DOCK1: variants seen among roughly 807,000 people sequenced by gnomAD.
The protein encoded by DOCK1 is dedicator of cytokinesis protein 1.
In DOCK1, 138 loss-of-function variants were observed where a neutral mutation model predicts 262.7. The ratio of observed to expected loss-of-function variants is 0.53; its 90% CI spans 0.46 to 0.61. The LOEUF (loss-of-function observed/expected upper bound fraction) is 0.61. DOCK1 is among the 20% of genes least tolerant of loss of function. The pLI, the probability that DOCK1 is intolerant of heterozygous loss-of-function variation, is 0.00. For synonymous variants in DOCK1, 866 were observed against 867.4 expected (o/e 1.00, Z 0.03); for missense variants, 1,908 against 2,370.7 (o/e 0.80, Z 4.05).
chr10:127,175,833 A>C lies in DOCK1; in HGVS notation c.2847+48069A>C, dbSNP rs1246539932. 1 of 1,614,054 alleles carries C rather than the reference A, an allele frequency of 6.2e-7. No individual in the cohort carries two copies. Among genetic ancestry groups the C allele is most frequent in the South Asian group, 1.1e-5 (1 of 91,076 alleles). Reference sequence around the variant, plus strand: ...ACAGGGCTCTGTGCAGTTGACCCCCAAAGGCTGGTCCACTGTGTTCATGTG... The same window carrying C: ...ACAGGGCTCTGTGCAGTTGACCCCCCAAGGCTGGTCCACTGTGTTCATGTG... On this transcript the variant is annotated intron_variant, in intron 27 of 51. Transcript: ENST00000623213. The surrounding 1 kb of genome is among the most constrained non-coding windows in gnomAD (Gnocchi z 6.3).
chr10:127,165,600 C>G (rs1256540606), intron 27 of DOCK1, among the ~76,000 whole-genome samples: 2 of 152,032 alleles, frequency 1.3e-5, no homozygotes, highest in Non-Finnish European at 2.9e-5. Context: ...GCATTGCAAA[C>G]AATGCAGTAT....
intron 27 of DOCK1, among the ~76,000 whole-genome samples, chr10:127,200,561 G>C (rs555543552): frequency 5.3e-5 from 8 of 151,890 alleles, no homozygotes; most frequent in Non-Finnish European, 1.0e-4. Context: ...CTGTAACCAC[G>C]CCTGGCTGAT....
intron 29 of DOCK1, among the ~76,000 whole-genome samples, chr10:127,278,344 C>T (rs1219589468): frequency 1.3e-5 from 2 of 151,698 alleles, no homozygotes; most frequent in African/African-American, 4.8e-5. Context: ...GTTTGTTTAC[C>T]TGGCAAAGAG....
chr10:127,010,426 C>T (rs1220182308), intron 11 of DOCK1, among the ~76,000 whole-genome samples: 1 of 152,212 alleles, frequency 6.6e-6, no homozygotes, highest in African/African-American at 2.4e-5. Flanking sequence ...AAGATCACGC[C>T]ACTGCACTCC....
At chr10:126,951,524 GTAT>G (rs1483369974) in intron 1 of DOCK1, among the ~76,000 whole-genome samples, 14 of 150,714 alleles carry the variant, frequency 9.3e-5, no homozygotes, top group Non-Finnish European at 1.5e-4. Flanking sequence ...GTTTTTGTTG[GTAT>G]TATTGCTGTT....
intron 37 of DOCK1, among the ~76,000 whole-genome samples, chr10:127,384,387 G>T (rs1370659471): frequency 1.3e-5 from 2 of 152,188 alleles, no homozygotes; most frequent in African/African-American, 4.8e-5. Context: ...TGACTTGTGT[G>T]TTCCATGTAC....
At chr10:127,374,957 G>A (rs897114073) in intron 35 of DOCK1, among the ~76,000 whole-genome samples, 3 of 152,240 alleles carry the variant, frequency 2.0e-5, no homozygotes, top group Non-Finnish European at 4.4e-5. Context: ...TGTTGTTTTA[G>A]GTTTATGGTA....
At chr10:127,191,643 G>C (rs2056763887) in intron 27 of DOCK1, among the ~76,000 whole-genome samples, 3 of 152,148 alleles carry the variant, frequency 2.0e-5, no homozygotes, top group African/African-American at 7.2e-5. Flanking sequence ...AAGAACAAGG[G>C]TGGGGGATCT....
At chr10:126,965,434 C>CTTTGG (rs1450360519) in intron 1 of DOCK1, among the ~76,000 whole-genome samples, 1 of 152,054 alleles carries the variant, frequency 6.6e-6, no homozygotes, top group Non-Finnish European at 1.5e-5. Flanking sequence ...TGGTCCCAGA[C>CTTTGG]TTTGGAGTGA....
intron 1 of DOCK1, among the ~76,000 whole-genome samples, chr10:126,941,602 A>G (rs1032648772): frequency 6.6e-6 from 1 of 152,086 alleles, no homozygotes; most frequent in Non-Finnish European, 1.5e-5. Flanking sequence ...TAAAAGTACA[A>G]AAAATTAGCC....
At chr10:127,339,684 C>A (rs1328426582) in intron 30 of DOCK1, among the ~76,000 whole-genome samples, 1 of 92,560 alleles carries the variant, frequency 1.1e-5, no homozygotes, top group Non-Finnish European at 2.2e-5. Flanking sequence ...ATTGATTTTG[C>A]CTGGCCTGAT....
intron 29 of DOCK1, among the ~76,000 whole-genome samples, chr10:127,323,592 G>T (rs946831134): frequency 6.6e-6 from 1 of 152,184 alleles, no homozygotes; most frequent in African/African-American, 2.4e-5. Flanking sequence ...TCAGCATCCC[G>T]CTTCCCCAGA....
rs57994305 is a variant in DOCK1, at chr10:127,002,837, C to T, written c.985+2530C>T. 3.9e-3 allele frequency among the ~76,000 whole-genome samples: 587 copies of T among 152,308 alleles called. 5 individuals are homozygous for T. Among genetic ancestry groups the T allele is most frequent in the African/African-American group, 0.014 (562 of 41,558 alleles). On this transcript the variant is annotated intron_variant, in intron 10 of 51. Transcript: ENST00000623213. Reference sequence around the variant, plus strand: ...CTCCTGTCTGGACTGGTCTCTGGTTCCTTCCCTTCCTGTCTTGTGTCTCTG... The same window carrying T: ...CTCCTGTCTGGACTGGTCTCTGGTTTCTTCCCTTCCTGTCTTGTGTCTCTG...
At chr10:127,386,357 G>A (rs72841541) in intron 38 of DOCK1, among the ~76,000 whole-genome samples, 4,817 of 152,222 alleles carry the variant, frequency 0.032, 137 homozygotes, top group African/African-American at 0.077. Context: ...GGTACAGGTC[G>A]TGGCCTGTTA....
intron 21 of DOCK1, among the ~76,000 whole-genome samples, chr10:127,045,759 C>T (rs183611250): frequency 1.3e-5 from 2 of 152,226 alleles, no homozygotes; most frequent in East Asian, 1.9e-4. Flanking sequence ...AGGGAGGCAT[C>T]GGCTTTGGGG....
At chr10:127,048,398 C>T (rs1332256092) in intron 21 of DOCK1, among the ~76,000 whole-genome samples, 1 of 151,992 alleles carries the variant, frequency 6.6e-6, no homozygotes, top group African/African-American at 2.4e-5. Context: ...TGTGTTTATA[C>T]ACATAAATAT....
At chr10:127,066,658 C>T (rs1327741504) in intron 23 of DOCK1, among the ~76,000 whole-genome samples, 3 of 152,174 alleles carry the variant, frequency 2.0e-5, no homozygotes, top group Admixed American at 6.5e-5. Context: ...GGGTTAGCTC[C>T]CCCAATCAGT....
intron 23 of DOCK1, among the ~76,000 whole-genome samples, chr10:127,069,440 G>C (rs1455259378): frequency 6.6e-6 from 1 of 152,182 alleles, no homozygotes; most frequent in East Asian, 1.9e-4. Context: ...CCAGCAAGCA[G>C]CTTAAAGAAA....
intron 46 of DOCK1, among the ~76,000 whole-genome samples, chr10:127,425,491 C>T (rs750888018): frequency 6.6e-6 from 1 of 152,140 alleles, no homozygotes; most frequent in Non-Finnish European, 1.5e-5. Flanking sequence ...ATAGGGTTCT[C>T]GTAAAGGCAA....
Sources: gnomAD v4.1 joint callset for allele counts (sites outside exome capture counted in the v4.1 genomes callset) on GRCh38, gnomAD v4.1.1 for gene constraint, Gnocchi (gnomAD v3.1) non-coding constraint, MANE v1.5 for transcripts, NCBI Gene and HGNC (gene_info 2026-07-23, HGNC 2026-07-21) for gene names.